The following PRKCH variants were observed in gnomAD, a reference collection of about 807,000 sequenced individuals.
PRKCH encodes the protein protein kinase C eta.
PRKCH carries 28 observed loss-of-function variants against 82.5 expected under a neutral mutation model. The observed-to-expected ratio is 0.34, with a 90% confidence interval of 0.25 to 0.47. PRKCH has a LOEUF of 0.47. Ranked by LOEUF, PRKCH falls within the 20% of genes least tolerant of loss-of-function variation. The probability of loss-of-function intolerance (pLI) is 1.00; values close to 1 mark genes in which losing one functional copy is unlikely to be tolerated. For synonymous variants in PRKCH, 322 were observed against 327.4 expected (o/e 0.98, Z 0.18); for missense variants, 705 against 881.8 (o/e 0.80, Z 2.54).
rs188614621 is a variant in PRKCH at position 61,537,056 on chromosome 14, T to C, written c.1761+6461T>C. The stretch of plus-strand genomic sequence containing the variant: ...CCCAGGATTTCTACTTGAAAAGAAT[T>C]CCCCAAATCATTAACCAGTAATCGC... On this transcript the variant is annotated intron_variant, in intron 12 of 13. Coordinates refer to ENST00000332981, the MANE Select transcript of PRKCH (RefSeq NM_006255.5). Among the ~76,000 whole-genome samples, 1,001 of 152,242 alleles carry C rather than the reference T, an allele frequency of 6.6e-3. 12 individuals are homozygous for C. Among genetic ancestry groups the C allele is most frequent in the African/African-American group, 0.023 (944 of 41,530 alleles).
chr14:61,190,265 A>G (rs1264422142), intron 1 of PRKCH, among the ~76,000 whole-genome samples: 1 of 152,180 alleles, frequency 6.6e-6, no homozygotes, highest in Non-Finnish European at 1.5e-5. Flanking sequence ...CAACCCTTTA[A>G]GAAAAGTTTG....
chr14:61,399,551 A>G (rs902495066), intron 2 of PRKCH, among the ~76,000 whole-genome samples: 60 of 152,232 alleles, frequency 3.9e-4, no homozygotes, highest in African/African-American at 1.4e-3. Context: ...TGCAGGTAGG[A>G]ACAGGTGAGT....
At chr14:61,490,557 G>A (rs780001004) in intron 10 of PRKCH, among the ~76,000 whole-genome samples, 4 of 152,092 alleles carry the variant, frequency 2.6e-5, no homozygotes, top group Non-Finnish European at 5.9e-5. Flanking sequence ...CTTGGCAAGT[G>A]GTCTCCTCTG....
chr14:61,543,596 T>C (rs2043215142), intron 12 of PRKCH: 1 of 152,236 alleles, frequency 6.6e-6, no homozygotes, highest in South Asian at 2.1e-4. Context: ...TCACATTATT[T>C]TCCTCTTTGG....
At chr14:61,295,201 A>T (rs912275810) in intron 1 of PRKCH, among the ~76,000 whole-genome samples, 1 of 152,220 alleles carries the variant, frequency 6.6e-6, no homozygotes, top group Non-Finnish European at 1.5e-5. Context: ...TGTAATTGAC[A>T]TGCAGTTGTT....
chr14:61,265,134 G>A (rs1208723719), intron 1 of PRKCH, among the ~76,000 whole-genome samples: 2 of 152,080 alleles, frequency 1.3e-5, no homozygotes, highest in East Asian at 1.9e-4. Context: ...GAAAATAACA[G>A]GGTTATCCTC....
intron 2 of PRKCH, among the ~76,000 whole-genome samples, chr14:61,413,405 C>T (rs866007227): frequency 4.4e-5 from 1 of 22,806 alleles, no homozygotes; most frequent in Non-Finnish European, 1.4e-4. Flanking sequence ...TTTTAAGCGC[C>T]CCCCCCCCGC....
intron 1 of PRKCH, among the ~76,000 whole-genome samples, chr14:61,248,203 C>T (rs760606256): frequency 2.6e-5 from 4 of 152,150 alleles, no homozygotes; most frequent in Non-Finnish European, 5.9e-5. Context: ...CACTCCTGTC[C>T]TGGTGGGTTG....
At chr14:61,243,643 G>T (rs1325289125) in intron 1 of PRKCH, among the ~76,000 whole-genome samples, 1 of 151,358 alleles carries the variant, frequency 6.6e-6, no homozygotes, top group African/African-American at 2.4e-5. Context: ...GAAAATCAAG[G>T]TTTTAAACAG....
chr14:61,481,373 G>A (rs113171845), intron 9 of PRKCH, among the ~76,000 whole-genome samples: 8 of 152,266 alleles, frequency 5.3e-5, no homozygotes, highest in South Asian at 2.1e-4. Context: ...ATTCCAACAA[G>A]CCTGGTTACC....
intron 1 of PRKCH, among the ~76,000 whole-genome samples, chr14:61,385,509 G>A (rs1477329014): frequency 2.0e-5 from 3 of 152,206 alleles, no homozygotes; most frequent in African/African-American, 4.8e-5. Flanking sequence ...CTGGGTCACT[G>A]GGGCTTCTCA....
chr14:61,249,871 G>A (rs568640306), intron 1 of PRKCH, among the ~76,000 whole-genome samples: 62 of 150,838 alleles, frequency 4.1e-4, no homozygotes, highest in African/African-American at 1.4e-3. Flanking sequence ...CACCCACCTC[G>A]GCTTCCCAAA....
At chr14:61,315,878 G>T (rs2045558214) in intron 1 of PRKCH, among the ~76,000 whole-genome samples, 2 of 151,598 alleles carry the variant, frequency 1.3e-5, no homozygotes, top group African/African-American at 4.9e-5. Flanking sequence ...CTCCTGGGTA[G>T]CTGGGATTAC....
At chr14:61,482,841 T>C (rs1354264621) in intron 9 of PRKCH, among the ~76,000 whole-genome samples, 2 of 152,164 alleles carry the variant, frequency 1.3e-5, no homozygotes, top group Admixed American at 1.3e-4. Flanking sequence ...GAGGGCAGGA[T>C]TTTCTCCCCC....
intron 2 of PRKCH, among the ~76,000 whole-genome samples, chr14:61,415,558 T>C (rs1882506123): frequency 6.6e-6 from 1 of 152,236 alleles, no homozygotes; most frequent in Admixed American, 6.5e-5. Context: ...TTTGACAGCA[T>C]TTACTTTAGG....
At chr14:61,548,861 CAAA>C (rs11424840) in intron 13 of PRKCH, among the ~76,000 whole-genome samples, 3 of 128,828 alleles carry the variant, frequency 2.3e-5, no homozygotes, top group Non-Finnish European at 3.2e-5. Context: ...GACTTTGTCT[CAAA>C]AAAAAAAAAA....
chr14:61,262,342 A>G (rs1362590938), intron 1 of PRKCH, among the ~76,000 whole-genome samples: 1 of 152,176 alleles, frequency 6.6e-6, no homozygotes, highest in Non-Finnish European at 1.5e-5. Flanking sequence ...ACAACAAAAC[A>G]CTACTCAGCA....
At chr14:61,305,761 T>C (rs1420630780) in intron 1 of PRKCH, 5 of 152,226 alleles carry the variant, frequency 3.3e-5, no homozygotes, top group Admixed American at 3.3e-4. Flanking sequence ...CATCCTTACA[T>C]ATATTTATAA....
chr14:61,270,535 A>AT (rs1248268720), intron 1 of PRKCH, among the ~76,000 whole-genome samples: 2 of 152,144 alleles, frequency 1.3e-5, no homozygotes, highest in Non-Finnish European at 2.9e-5. Flanking sequence ...ACCTAATGTC[A>AT]TTTTTGTTTT....
Sources: allele counts gnomAD v4.1 joint callset (sites outside exome capture counted in the v4.1 genomes callset), GRCh38; gene constraint gnomAD v4.1.1; transcripts MANE v1.5; gene names NCBI Gene and HGNC (gene_info 2026-07-23, HGNC 2026-07-21).